Variants in RELT observed in about 807,000 individuals in gnomAD.
The protein encoded by RELT is RELT TNF receptor, also known as tumor necrosis factor receptor superfamily member 19L.
A neutral mutation model predicts 51.1 loss-of-function variants in RELT; 37 were observed. The observed-to-expected ratio is 0.72, with a 90% confidence interval of 0.56 to 0.95. The LOEUF is 0.95. Ranked by LOEUF, RELT falls within the 40% of genes least tolerant of loss-of-function variation. The pLI is 0.00. For synonymous variants in RELT, 241 were observed against 235.7 expected (o/e 1.02, Z -0.21); for missense variants, 535 against 572.6 (o/e 0.93, Z 0.67).
rs1191653982 is a variant in RELT, at chr11:73,396,380, T to A, written c.*889T>A. 1 of 152,292 alleles carries A rather than the reference T, an allele frequency of 6.6e-6. No homozygotes were observed. The highest frequency in any genetic ancestry group is 1.5e-5 in the Non-Finnish European group (1 of 68,058). The allele number at this position is 152,292 out of a possible 1,614,324, so 9.4% of individuals were successfully genotyped here. A position where few individuals can be genotyped will look rare whatever the true frequency, so the allele number is the denominator to read the frequency against. On this transcript the variant is annotated 3_prime_UTR_variant, in exon 11 of 11. Coordinates refer to ENST00000064780, the MANE Select transcript of RELT (RefSeq NM_152222.2). ...ATCTCAGGAGCTTTAGGGAGAAGACTTGGTGGGGCTGGAGCACACCTTGGG... is the reference window on the plus strand; with the variant it reads ...ATCTCAGGAGCTTTAGGGAGAAGACATGGTGGGGCTGGAGCACACCTTGGG...
chr11:73,394,816 G>A lies in RELT; in HGVS notation c.1046+82G>A, dbSNP rs1866285101. On this transcript the variant is annotated intron_variant, in intron 9 of 10. Coordinates refer to ENST00000064780, the MANE Select transcript of RELT (RefSeq NM_152222.2). This position sits in a 1 kb window ranked among gnomAD's most constrained non-coding sequence, Gnocchi z 4.9. The stretch of plus-strand genomic sequence containing the variant: ...GGAGGGGGAGGCAGGGCCCCAGCTT[G>A]GGCCCTGAGCACCCTGCTCAATGGG... 10 of 1,511,288 alleles carry A rather than the reference G, an allele frequency of 6.6e-6. No homozygotes were observed. The highest frequency in any genetic ancestry group is 1.9e-5 in the Admixed American group (1 of 53,708). 93.6% of individuals were successfully genotyped at this position (1,511,288 alleles called of 1,614,324 possible). A position where few individuals can be genotyped will look rare whatever the true frequency, so the allele number is the denominator to read the frequency against.
chr11:73,383,202 G>A (rs1866075320), intron 1 of RELT, among the ~76,000 whole-genome samples: 1 of 152,206 alleles, frequency 6.6e-6, no homozygotes. Flanking sequence ...GGCTGTGGGA[G>A]GGGGCAGGAG....
At chr11:73,379,596 C>A (rs547089567) in intron 1 of RELT, among the ~76,000 whole-genome samples, 152 of 152,336 alleles carry the variant, frequency 1.0e-3, no homozygotes, top group African/African-American at 3.4e-3. Context: ...ACCTTCCAGA[C>A]GCGGTACCTG....
intron 1 of RELT, among the ~76,000 whole-genome samples, chr11:73,381,551 T>A (rs538032771): frequency 6.6e-6 from 1 of 152,210 alleles, no homozygotes; most frequent in East Asian, 1.9e-4. Context: ...GAGGGGGCCC[T>A]CTTGACAGGG....
intron 1 of RELT, among the ~76,000 whole-genome samples, chr11:73,383,185 T>G (rs1866075088): frequency 6.6e-6 from 1 of 152,162 alleles, no homozygotes. Flanking sequence ...AGCTCATGGC[T>G]GCCCAGGGCT....
intron 1 of RELT, among the ~76,000 whole-genome samples, chr11:73,386,831 T>C (rs756170475): frequency 1.1e-4 from 17 of 152,160 alleles, no homozygotes; most frequent in Admixed American, 2.0e-4. Flanking sequence ...TCTGCTGTGG[T>C]TGCTTGGCCT....
rs915233529 is a variant in RELT at position 73,394,997 on chromosome 11, T to A, written c.1047-90T>A. 8 of 1,211,240 alleles carry A rather than the reference T, an allele frequency of 6.6e-6. No homozygotes were observed. The Admixed American group carries it at 1.0e-4, about 16-fold the overall frequency. The allele number at this position is 1,211,240 out of a possible 1,614,324, so 75.0% of individuals were successfully genotyped here. A position where few individuals can be genotyped will look rare whatever the true frequency, so the allele number is the denominator to read the frequency against. On this transcript the variant is annotated intron_variant, in intron 9 of 10. Transcript: ENST00000064780. The surrounding 1 kb of genome is among the most constrained non-coding windows in gnomAD (Gnocchi z 4.9). ...CCTCTCAGGCTAAGGCTCTGGTCCA[T>A]GAACTTGCTGTGTGACCCCGGGCAC...
intron 5 of RELT, among the ~76,000 whole-genome samples, chr11:73,391,803 G>A (rs1037808703): frequency 2.6e-5 from 4 of 151,920 alleles, no homozygotes; most frequent in Admixed American, 2.0e-4. Flanking sequence ...ATGAGTGTGC[G>A]CATGCAAACA....
At chr11:73,390,452 C>G in intron 2 of RELT, 99 bp from the exon 3 acceptor site, 1 of 1,099,524 alleles carries the variant, frequency 9.1e-7, no homozygotes, top group East Asian at 2.4e-5. Context: ...GTCAGTGGTC[C>G]CTACCACTGG....
intron 1 of RELT, among the ~76,000 whole-genome samples, chr11:73,377,165 C>T (rs1865981058): frequency 6.6e-6 from 1 of 152,110 alleles, no homozygotes; most frequent in Admixed American, 6.5e-5. Flanking sequence ...AGGGCCAGGG[C>T]CACCCGTTAC....
At position 73,395,100 on chromosome 11, in the gene RELT, C is replaced by T. The variant is rs1166846088; in HGVS notation, c.1060C>T (p.Arg354Ter). ...CTCTCCTCACAGGTTCCGCGTGGCT[C>T]GAATTCCTGAGCAGCGGACAAGTTC... ...ILSVGRFRVA[R>*]IPEQRTSSMV... is the part of the protein sequence containing the mutation. Residue 354 changes from arginine (R) to a stop codon, truncating the protein, a stop_gained, in exon 10 of 11, where the codon CGA (arginine) becomes TGA (stop). Coordinates refer to ENST00000064780, the MANE Select transcript of RELT (RefSeq NM_152222.2). LOFTEE classifies it high-confidence loss of function. The T allele has an allele frequency of 1.2e-6, 2 of 1,613,286 alleles. No individual in the cohort carries two copies. Among genetic ancestry groups the T allele is most frequent in the Non-Finnish European group, 8.5e-7 (1 of 1,179,918 alleles).
At chr11:73,392,137 G>A (rs920274063) in intron 5 of RELT, 74 bp from the exon 6 acceptor site, 13 of 1,521,540 alleles carry the variant, frequency 8.5e-6, no homozygotes, top group African/African-American at 6.9e-5. Context: ...CCACTGACTC[G>A]GGCCCTGGGC....
In RELT at chr11:73,388,098, G is replaced by A. The variant is rs879769631; in HGVS notation, c.-25-1014G>A. On this transcript the variant is annotated intron_variant, in intron 1 of 10. Transcript: ENST00000064780. The surrounding 1 kb of genome is among the most constrained non-coding windows in gnomAD (Gnocchi z 4.1). ...GGAGGCTTCTCCAGAGCAGGCCACC[G>A]TCTGGGCCTGGGGGCCTCAGTCTCA... Among the ~76,000 whole-genome samples the A allele has an allele frequency of 1.1e-4, 16 of 152,222 alleles. No homozygotes were observed. The highest frequency in any genetic ancestry group is 5.8e-4 in the East Asian group (3 of 5,186).
Position 73,393,345 on chromosome 11 carries a change from C to T in RELT, c.626-492C>T. The T allele has an allele frequency of 4.5e-6, 5 of 1,119,736 alleles. No homozygotes were observed. In the South Asian group the frequency reaches 6.2e-5, roughly 14 times the overall value. The allele number at this position is 1,119,736 out of a possible 1,614,324, so 69.4% of individuals were successfully genotyped here. On this transcript the variant is annotated intron_variant, in intron 6 of 10. Transcript: ENST00000064780. ...GCTCTGTTTGCTGCTGGGCCCAGGG[C>T]TGATCATCGTGGCCCATTCTCACAC...
At position 73,395,927 on chromosome 11, in the gene RELT, C is replaced by G. The variant is rs772596590; in HGVS notation, c.*436C>G. On this transcript the variant is annotated 3_prime_UTR_variant, in exon 11 of 11. Transcript: ENST00000064780. ...AGCAGATGTGCGTCCCCCTCCTCTTCCAGCAGGTCTATAAAGGGAAGGGGT... is the reference window on the plus strand; with the variant it reads ...AGCAGATGTGCGTCCCCCTCCTCTTGCAGCAGGTCTATAAAGGGAAGGGGT... The G allele has an allele frequency of 1.6e-5, 3 of 188,652 alleles. No individual in the cohort carries two copies. Among genetic ancestry groups the G allele is most frequent in the Non-Finnish European group, 3.3e-5 (3 of 90,350 alleles). The allele number at this position is 188,652 out of a possible 1,614,324, so 11.7% of individuals were successfully genotyped here. A position where few individuals can be genotyped will look rare whatever the true frequency, so the allele number is the denominator to read the frequency against.
Position 73,394,046 on chromosome 11 carries a change from C to T in RELT, c.706+129C>T. ...TCCCTGCCAGGGTGCCTCAAGCAGC[C>T]TGGTGCTCTCTGACCCAGGAGTGCA... On this transcript the variant is annotated intron_variant, in intron 7 of 10. Coordinates refer to ENST00000064780, the MANE Select transcript of RELT (RefSeq NM_152222.2). The surrounding 1 kb of genome is among the most constrained non-coding windows in gnomAD (Gnocchi z 4.9). 2.0e-6 allele frequency: 2 copies of T among 1,022,814 alleles called. No homozygotes were observed. Among genetic ancestry groups the T allele is most frequent in the East Asian group, 2.5e-5 (1 of 40,304 alleles). 63.4% of individuals were successfully genotyped at this position (1,022,814 alleles called of 1,614,324 possible). A position where few individuals can be genotyped will look rare whatever the true frequency, so the allele number is the denominator to read the frequency against.
chr11:73,394,428 T>C lies in RELT; in HGVS notation c.789-49T>C, dbSNP rs1866272095. 1 of 1,608,112 alleles carries C rather than the reference T, an allele frequency of 6.2e-7. No individual in the cohort carries two copies. The highest frequency in any genetic ancestry group is 8.5e-7 in the Non-Finnish European group (1 of 1,175,770). ...AGTCACCCTGTTCCCTGCTGGGGTC[T>C]CCTGCCCCTGGCCTGGCCTATGGCC... On this transcript the variant is annotated intron_variant, in intron 8 of 10. Coordinates refer to ENST00000064780, the MANE Select transcript of RELT (RefSeq NM_152222.2). This position sits in a 1 kb window ranked among gnomAD's most constrained non-coding sequence, Gnocchi z 4.9.
At chr11:73,384,769 T>C (rs928401931) in intron 1 of RELT, 1 of 152,148 alleles carries the variant, frequency 6.6e-6, no homozygotes, top group Admixed American at 6.5e-5. Flanking sequence ...AATCAGCCCA[T>C]ACCCGCCCAG....
rs1269494867 is a variant in RELT at position 73,388,365 on chromosome 11, TGGCTGCCGTGACCACCCCAGCCCCATA to T, written c.-25-744_-25-718del. 6.6e-6 allele frequency among the ~76,000 whole-genome samples: 1 copy of T among 152,192 alleles called. No homozygotes were observed. Among genetic ancestry groups the T allele is most frequent in the Non-Finnish European group, 1.5e-5 (1 of 68,026 alleles). On this transcript the variant is annotated intron_variant, in intron 1 of 10. Coordinates refer to ENST00000064780, the MANE Select transcript of RELT (RefSeq NM_152222.2). The surrounding 1 kb of genome is among the most constrained non-coding windows in gnomAD (Gnocchi z 4.1). ...TGGAGAGATGACAAAGACAGAGCAC[TGGCTGCCGTGACCACCCCAGCCCCATA>T]GGTCTGCCAGGGGAAGAGCTGTGGC... is the stretch of plus-strand genomic sequence containing the variant.
Sources: allele counts gnomAD v4.1 joint callset (sites outside exome capture counted in the v4.1 genomes callset), GRCh38; gene constraint gnomAD v4.1.1; non-coding constraint Gnocchi (gnomAD v3.1); transcripts MANE v1.5; gene names NCBI Gene and HGNC (gene_info 2026-07-23, HGNC 2026-07-21).